The following RAP1GAP variants were observed in gnomAD, a reference collection of about 807,000 sequenced individuals.
The protein encoded by RAP1GAP is RAP1 GTPase activating protein, also known as rap1 GTPase-activating protein 1.
Under a neutral mutation model 87.2 loss-of-function variants are expected in RAP1GAP, and 35 were observed. The observed-to-expected ratio is 0.40, with a 90% CI of 0.31 to 0.53. RAP1GAP has a LOEUF of 0.53. Ranked by LOEUF, RAP1GAP falls within the 20% of genes least tolerant of loss-of-function variation. The pLI, the probability that RAP1GAP is intolerant of heterozygous loss-of-function variation, is 0.48. For missense variants in RAP1GAP, 734 were observed against 898.9 expected (o/e 0.82, Z 2.35); for synonymous variants, 375 against 363.9 (o/e 1.03, Z -0.35).
At chr1:21,601,073 T>C (rs531852878) in intron 20 of RAP1GAP, among the ~76,000 whole-genome samples, 1 of 149,570 alleles carries the variant, frequency 6.7e-6, no homozygotes, top group Non-Finnish European at 1.5e-5. Context: ...CAGGCTAGAG[T>C]GCAGTGGCTA....
rs765397010 is a variant in RAP1GAP, at chr1:21,624,889, AG to A, written c.-19+1414del. 1.6e-3 allele frequency among the ~76,000 whole-genome samples: 236 copies of A among 152,118 alleles called. 1 individual carries two copies. Among genetic ancestry groups the A allele is most frequent in the Non-Finnish European group, 2.8e-3 (189 of 67,978 alleles). On this transcript the variant is annotated intron_variant, in intron 3 of 24. Coordinates refer to ENST00000374765, the MANE Select transcript of RAP1GAP (RefSeq NM_002885.4). ...CTGATGGGAAGACTGAGGCCCAGGG[AG>A]GGGAAGCTGTGGTCCGAGGGCATAC...
chr1:21,649,837 C>G, intron 1 of RAP1GAP, 41 bp from the exon 2 acceptor site: 1 of 1,545,040 alleles, frequency 6.5e-7, no homozygotes, highest in Non-Finnish European at 8.8e-7. Context: ...GGGGACATCC[C>G]TTCTCACCAG....
At chr1:21,601,490 G>A (rs527606174) in intron 20 of RAP1GAP, among the ~76,000 whole-genome samples, 194 bp downstream of exon 20, 5 of 152,338 alleles carry the variant, frequency 3.3e-5, no homozygotes, top group Admixed American at 1.3e-4. Flanking sequence ...CTCCAGAGCC[G>A]GGCGCGGGGC....
chr1:21,616,818 G>T (rs528361722), intron 7 of RAP1GAP, among the ~76,000 whole-genome samples: 146 of 152,262 alleles, frequency 9.6e-4, no homozygotes, highest in African/African-American at 3.3e-3. Flanking sequence ...CCTAGAACAG[G>T]GCCAGGCACA....
chr1:21,602,935 C>A, intron 18 of RAP1GAP, 22 bp from the exon 19 acceptor site: 1 of 1,568,382 alleles, frequency 6.4e-7, no homozygotes. Context: ...GGCCCCAACT[C>A]AGTGCCACCT....
At position 21,646,801 on chromosome 1, in the gene RAP1GAP, C is replaced by T. The variant is rs949899310; in HGVS notation, c.-113+2960G>A. Among the ~76,000 whole-genome samples, 4 of 152,176 alleles carry T rather than the reference C, an allele frequency of 2.6e-5. 1 individual carries two copies. Among genetic ancestry groups the T allele is most frequent in the Non-Finnish European group, 5.9e-5 (4 of 68,028 alleles). ...GCTGCATAATCAGTCACCCACTGTC[C>T]CACTGGCTCCCAACCCTCACACTGG... On this transcript the variant is annotated intron_variant, in intron 2 of 24. Coordinates refer to ENST00000374765, the MANE Select transcript of RAP1GAP (RefSeq NM_002885.4).
At chr1:21,597,639 AC>A in intron 24 of RAP1GAP, 46 bp downstream of exon 24, 1 of 1,497,432 alleles carries the variant, frequency 6.7e-7, no homozygotes, top group Non-Finnish European at 9.1e-7. Flanking sequence ...CCCTCTACAC[AC>A]CCCCACCCTC....
chr1:21,637,561 C>A (rs1048835282), intron 2 of RAP1GAP, among the ~76,000 whole-genome samples: 1 of 152,066 alleles, frequency 6.6e-6, no homozygotes, highest in Non-Finnish European at 1.5e-5. Context: ...AACCCCATTT[C>A]TAGGCATTTA....
intron 17 of RAP1GAP, among the ~76,000 whole-genome samples, 185 bp from the exon 18 acceptor site, chr1:21,606,382 C>T (rs1467734995): frequency 6.6e-6 from 1 of 152,204 alleles, no homozygotes; most frequent in Non-Finnish European, 1.5e-5. Context: ...CCTCAATTTC[C>T]CTGTGCGTCA....
intron 1 of RAP1GAP, among the ~76,000 whole-genome samples, chr1:21,662,873 A>C (rs2097200668): frequency 6.6e-6 from 1 of 152,206 alleles, no homozygotes; most frequent in Admixed American, 6.5e-5. Context: ...AGAGGATTAA[A>C]TGAGATAGAT....
At chr1:21,645,413 G>A (rs566627270) in intron 2 of RAP1GAP, among the ~76,000 whole-genome samples, 2 of 152,176 alleles carry the variant, frequency 1.3e-5, no homozygotes, top group African/African-American at 2.4e-5. Context: ...CCAGGAGGTC[G>A]AGGCTGTAGT....
At chr1:21,641,626 C>T (rs906864575) in intron 2 of RAP1GAP, among the ~76,000 whole-genome samples, 1 of 152,192 alleles carries the variant, frequency 6.6e-6, no homozygotes, top group African/African-American at 2.4e-5. Flanking sequence ...GGTAGGAACT[C>T]CGTAAGTATT....
chr1:21,658,796 C>G (rs994101788), intron 1 of RAP1GAP, among the ~76,000 whole-genome samples: 14 of 150,896 alleles, frequency 9.3e-5, no homozygotes, highest in African/African-American at 3.4e-4. Flanking sequence ...TTCTTTGGCT[C>G]TTGTGGTGTG....
At chr1:21,643,618 A>AC (rs1009686789) in intron 2 of RAP1GAP, among the ~76,000 whole-genome samples, 5 of 151,628 alleles carry the variant, frequency 3.3e-5, no homozygotes, top group African/African-American at 1.2e-4. Flanking sequence ...CCATCTACTC[A>AC]CCCCCTGTGG....
At chr1:21,598,533 T>A in intron 21 of RAP1GAP, 31 bp from the exon 22 acceptor site, 1 of 1,563,862 alleles carries the variant, frequency 6.4e-7, no homozygotes, top group South Asian at 1.1e-5. Flanking sequence ...GGGAGGGAGG[T>A]TAGCCTATGC....
chr1:21,619,507 G>A (rs1208400693), intron 4 of RAP1GAP, among the ~76,000 whole-genome samples: 1 of 152,054 alleles, frequency 6.6e-6, no homozygotes, highest in Non-Finnish European at 1.5e-5. Context: ...AAAGATCAGA[G>A]GGTATTCAAG....
Position 21,611,724 on chromosome 1 carries a change from G to T in RAP1GAP, c.705C>A (p.Asp235Glu). 1 of 1,613,150 alleles carries T rather than the reference G, an allele frequency of 6.2e-7. No homozygotes were observed. Among genetic ancestry groups the T allele is most frequent in the Non-Finnish European group, 8.5e-7 (1 of 1,179,072 alleles). Residue 235 changes from aspartate (D) to glutamate (E), a missense_variant, in exon 12 of 25, where the codon GAC (aspartate) becomes GAA (glutamate). By Grantham distance (45) the Asp-to-Glu change is conservative. Around this residue, in one of 2 missense-constraint regions of RAP1GAP, gnomAD observed 485 missense variants for 646.2 expected, o/e 0.75. Transcript: ENST00000374765. ...CCCACCCTAATACTCACCCCTTAAA[G>T]TCCTGCAGTTTGACCTTCTGGCCAA... Reference protein sequence around the residue: ...EFLGQKVKLQDFKGFRGGLDV... With the variant: ...EFLGQKVKLQEFKGFRGGLDV...
intron 1 of RAP1GAP, among the ~76,000 whole-genome samples, chr1:21,653,592 C>CT (rs879491605): frequency 0.12 from 10,323 of 83,846 alleles, 494 homozygotes; most frequent in Non-Finnish European, 0.16. Context: ...TCCTTCCTTC[C>CT]TCCCTCCCTC....
At chr1:21,658,679 C>T (rs944775119) in intron 1 of RAP1GAP, among the ~76,000 whole-genome samples, 5 of 152,104 alleles carry the variant, frequency 3.3e-5, no homozygotes, top group Admixed American at 2.0e-4. Context: ...CCCAGAAGTT[C>T]GAGACCGGCC....
Sources: gnomAD v4.1 joint callset for allele counts (sites outside exome capture counted in the v4.1 genomes callset) on GRCh38, gnomAD v4.1.1 for gene constraint, gnomAD v4.1.1 regional missense constraint, MANE v1.5 for transcripts, NCBI Gene and HGNC (gene_info 2026-07-23, HGNC 2026-07-21) for gene names.